The following NGF variants were observed in gnomAD, a reference collection of about 807,000 sequenced individuals.
NGF encodes beta-nerve growth factor.
NGF carries 4 observed loss-of-function variants against 12.8 expected under a neutral mutation model. That is an observed-to-expected ratio of 0.31 (90% CI 0.15 to 0.72). NGF has a LOEUF of 0.72. Among genes scored for constraint, NGF ranks in the 30% least tolerant of loss-of-function variants. The pLI is 0.69. For synonymous variants in NGF, 140 were observed against 130.0 expected (o/e 1.08, Z -0.52); for missense variants, 283 against 330.8 (o/e 0.86, Z 1.12).
At chr1:115,304,896 G>A (rs1281921372) in intron 1 of NGF, among the ~76,000 whole-genome samples, 2 of 152,136 alleles carry the variant, frequency 1.3e-5, no homozygotes, top group South Asian at 4.1e-4. Flanking sequence ...ACTGAGTGGG[G>A]AGCTCCTAGT....
intron 1 of NGF, among the ~76,000 whole-genome samples, chr1:115,307,522 G>A (rs1654234370): frequency 6.6e-6 from 1 of 152,212 alleles, no homozygotes. Flanking sequence ...CAGACTTACA[G>A]TACTCAGCTT....
At chr1:115,286,998 C>A (rs1653533080) in intron 2 of NGF, among the ~76,000 whole-genome samples, 191 bp from the exon 3 acceptor site, 1 of 152,198 alleles carries the variant, frequency 6.6e-6, no homozygotes, top group African/African-American at 2.4e-5. Context: ...CCGGGGCTGA[C>A]TCAGGCAGTA....
intron 1 of NGF, among the ~76,000 whole-genome samples, chr1:115,335,757 G>C (rs1016484352): frequency 6.6e-6 from 1 of 152,178 alleles, no homozygotes; most frequent in African/African-American, 2.4e-5. Flanking sequence ...TGGGGATCTG[G>C]GCCTTGGCCC....
intron 1 of NGF, among the ~76,000 whole-genome samples, chr1:115,328,845 G>A (rs909008696): frequency 5.3e-5 from 8 of 152,254 alleles, no homozygotes; most frequent in Non-Finnish European, 1.0e-4. Context: ...GGTCATGCTT[G>A]GGGAAGAGAA....
chr1:115,297,144 A>G (rs970415077), intron 1 of NGF, among the ~76,000 whole-genome samples: 2 of 152,220 alleles, frequency 1.3e-5, no homozygotes, highest in South Asian at 2.1e-4. Context: ...TAGAAATGCA[A>G]ATTCTTGGGT....
intron 1 of NGF, among the ~76,000 whole-genome samples, chr1:115,337,994 C>G (rs1557951267): frequency 6.6e-6 from 1 of 152,208 alleles, no homozygotes; most frequent in Non-Finnish European, 1.5e-5. Flanking sequence ...GCTGTTCCCT[C>G]GGTCCGACTC....
At chr1:115,318,473 C>G (rs545355100) in intron 1 of NGF, among the ~76,000 whole-genome samples, 2 of 152,286 alleles carry the variant, frequency 1.3e-5, no homozygotes, top group South Asian at 4.2e-4. Flanking sequence ...GTGAGCTGTG[C>G]CGACAGGCCA....
intron 1 of NGF, among the ~76,000 whole-genome samples, chr1:115,316,464 A>T (rs1654478132): frequency 6.6e-6 from 1 of 152,238 alleles, no homozygotes; most frequent in African/African-American, 2.4e-5. Context: ...AATGAAAATT[A>T]TATAGCTAAT....
At chr1:115,300,717 C>T (rs1026107161) in intron 1 of NGF, among the ~76,000 whole-genome samples, 1 of 152,314 alleles carries the variant, frequency 6.6e-6, no homozygotes, top group South Asian at 2.1e-4. Context: ...CCCAGCTTTG[C>T]CCAGGCATGC....
chr1:115,286,803 T>C lies in NGF; in HGVS notation c.-8A>G. 1 of 1,614,140 alleles carries C rather than the reference T, an allele frequency of 6.2e-7. No homozygotes were observed. Among genetic ancestry groups the C allele is most frequent in the Non-Finnish European group, 8.5e-7 (1 of 1,180,028 alleles). The stretch of plus-strand genomic sequence containing the variant: ...GTAGAACAACATGGACATTACGCTA[T>C]GCACCTGGAATGAAAAAGAAATGAG... On this transcript the variant is annotated 5_prime_UTR_variant, in exon 3 of 3. Transcript: ENST00000369512.
At chr1:115,304,674 T>G (rs10776797) in intron 1 of NGF, among the ~76,000 whole-genome samples, 125,186 of 151,988 alleles carry the variant, frequency 0.82, 51,762 homozygotes, top group African/African-American at 0.88. Context: ...TTCTGACCTC[T>G]CCTCTCAGCC....
chr1:115,327,116 A>G (rs984483702), intron 1 of NGF, among the ~76,000 whole-genome samples: 1 of 152,220 alleles, frequency 6.6e-6, no homozygotes, highest in African/African-American at 2.4e-5. Flanking sequence ...CATAAAAGAA[A>G]GAAGATACAA....
At position 115,285,968 on chromosome 1, in the gene NGF, A is replaced by C. The variant is rs1356929877; in HGVS notation, c.*102T>G. The stretch of plus-strand genomic sequence containing the variant: ...ATTCTTTAAAACTGTATAAACTATA[A>C]ATTACCATGCAGTCCTTATAATTTA... On this transcript the variant is annotated 3_prime_UTR_variant, in exon 3 of 3. Transcript: ENST00000369512. The C allele has an allele frequency of 6.9e-7, 1 of 1,444,828 alleles. No homozygotes were observed. The highest frequency in any genetic ancestry group is 9.3e-7 in the Non-Finnish European group (1 of 1,078,388). The allele number at this position is 1,444,828 out of a possible 1,614,324, so 89.5% of individuals were successfully genotyped here. A position where few individuals can be genotyped will look rare whatever the true frequency, so the allele number is the denominator to read the frequency against.
chr1:115,304,256 G>A (rs1654132257), intron 1 of NGF, among the ~76,000 whole-genome samples: 1 of 151,204 alleles, frequency 6.6e-6, no homozygotes, highest in Non-Finnish European at 1.5e-5. Context: ...TCCACCTCCT[G>A]GGTTCAAGCA....
chr1:115,294,466 G>A (rs1332191440), intron 1 of NGF, among the ~76,000 whole-genome samples: 3 of 152,204 alleles, frequency 2.0e-5, no homozygotes, highest in South Asian at 2.1e-4. Flanking sequence ...TCTGGGCACC[G>A]ACTATGTGCC....
chr1:115,303,832 C>T (rs921151023), intron 1 of NGF, among the ~76,000 whole-genome samples: 2 of 152,210 alleles, frequency 1.3e-5, no homozygotes, highest in Non-Finnish European at 2.9e-5. Flanking sequence ...CAGAAGATAG[C>T]TGAGCCTTGA....
intron 1 of NGF, among the ~76,000 whole-genome samples, chr1:115,298,217 A>G (rs1036958896): frequency 5.3e-5 from 8 of 152,278 alleles, no homozygotes; most frequent in African/African-American, 1.9e-4. Flanking sequence ...CTTGCATGCC[A>G]CTTAAAATGT....
intron 1 of NGF, among the ~76,000 whole-genome samples, chr1:115,296,935 A>C (rs561908383): frequency 1.1e-4 from 16 of 152,324 alleles, no homozygotes; most frequent in Non-Finnish European, 1.3e-4. Context: ...CAGCTCTCAC[A>C]CTTTTGATAA....
chr1:115,323,275 T>C (rs567235072), intron 1 of NGF, among the ~76,000 whole-genome samples: 1 of 152,098 alleles, frequency 6.6e-6, no homozygotes, highest in Non-Finnish European at 1.5e-5. Flanking sequence ...TATTTCTTAG[T>C]AGGAATGAAG....
Sources: allele counts gnomAD v4.1 joint callset (sites outside exome capture counted in the v4.1 genomes callset), GRCh38; gene constraint gnomAD v4.1.1; transcripts MANE v1.5; gene names NCBI Gene and HGNC (gene_info 2026-07-23, HGNC 2026-07-21).